Variants in GNG7 observed in about 807,000 individuals in gnomAD.
GNG7 encodes the protein guanine nucleotide-binding protein G(I)/G(S)/G(O) subunit gamma-7.
Under a neutral mutation model 4.0 loss-of-function variants are expected in GNG7, and 1 was observed. The ratio of observed to expected loss-of-function variants is 0.25; its 90% confidence interval spans 0.09 to 1.18. GNG7 has a LOEUF of 1.18. GNG7 is among the 50% of genes most tolerant of loss of function. The pLI is 0.50. For missense variants in GNG7, 86 were observed against 91.9 expected (o/e 0.94, Z 0.26); for synonymous variants, 34 against 36.9 (o/e 0.92, Z 0.29).
intron 3 of GNG7, among the ~76,000 whole-genome samples, chr19:2,532,679 A>G (rs759534613): frequency 6.6e-6 from 1 of 152,256 alleles, no homozygotes; most frequent in African/African-American, 2.4e-5. Flanking sequence ...GAAATGGCCA[A>G]TAAGCACATG....
chr19:2,575,418 A>G (rs1030632991), intron 2 of GNG7, among the ~76,000 whole-genome samples: 2 of 152,226 alleles, frequency 1.3e-5, no homozygotes, highest in Non-Finnish European at 2.9e-5. Context: ...GGAAAGCTCC[A>G]GGGAAGTGTA....
chr19:2,582,062 T>C (rs1234117962), intron 2 of GNG7, among the ~76,000 whole-genome samples: 1 of 152,176 alleles, frequency 6.6e-6, no homozygotes, highest in Non-Finnish European at 1.5e-5. Flanking sequence ...GTTGAGGTCC[T>C]TAATATATAA....
At chr19:2,660,978 G>A (rs989483014) in intron 1 of GNG7, among the ~76,000 whole-genome samples, 15 of 151,038 alleles carry the variant, frequency 9.9e-5, no homozygotes, top group South Asian at 4.2e-4. Flanking sequence ...CTGGGAGGCC[G>A]AGGCGGGCAG....
intron 3 of GNG7, among the ~76,000 whole-genome samples, chr19:2,527,435 C>T (rs956169543): frequency 6.6e-6 from 1 of 152,176 alleles, no homozygotes; most frequent in African/African-American, 2.4e-5. Flanking sequence ...GCTGTGCCCC[C>T]GCCCTCGAAC....
rs5826770 is a variant in GNG7, at chr19:2,521,091, TAAA to T, written c.-37-369_-37-367del. ...TAACACGGTGAAACCTCATCGTTAC[TAAA>T]AAAAAAAAAAAAAATACAAAAATTA... On this transcript the variant is annotated intron_variant, in intron 3 of 4. Coordinates refer to ENST00000382159, the MANE Select transcript of GNG7 (RefSeq NM_052847.3). 7.7e-3 allele frequency among the ~76,000 whole-genome samples: 1,092 copies of T among 141,556 alleles called. 9 individuals are homozygous for T. The highest frequency in any genetic ancestry group is 0.021 in the African/African-American group (821 of 38,280). 92.9% of individuals were successfully genotyped at this position (141,556 alleles called of 152,430 possible).
rs1356446578 is a variant in GNG7, at chr19:2,531,775, A to ACCCC, written c.-37-11051_-37-11050insGGGG. Among the ~76,000 whole-genome samples the ACCCC allele has an allele frequency of 2.8e-3, 416 of 146,690 alleles. 1 individual carries two copies. Among genetic ancestry groups the ACCCC allele is most frequent in the African/African-American group, 7.7e-3 (285 of 36,804 alleles). On this transcript the variant is annotated intron_variant, in intron 3 of 4. Coordinates refer to ENST00000382159, the MANE Select transcript of GNG7 (RefSeq NM_052847.3). ...AACAGAGCGAGACTCCGTCCCAAAA[A>ACCCC]AAAAAAAAAATGCACAATACAATAT...
chr19:2,636,282 C>T (rs1289470484), intron 2 of GNG7, among the ~76,000 whole-genome samples: 3 of 152,120 alleles, frequency 2.0e-5, no homozygotes, highest in African/African-American at 7.2e-5. Flanking sequence ...CAGGGGCGCA[C>T]GAGTCTCTAA....
chr19:2,585,685 C>G lies in GNG7; in HGVS notation c.-77-30497G>C, dbSNP rs1037398273. On this transcript the variant is annotated intron_variant, in intron 2 of 4. Coordinates refer to ENST00000382159, the MANE Select transcript of GNG7 (RefSeq NM_052847.3). ...TCATTCATATACCATAAAATTCACC[C>G]TCATAAAGTGTAAAATTCAGTAATT... is the stretch of plus-strand genomic sequence containing the variant. Among the ~76,000 whole-genome samples, 10 of 152,238 alleles carry G rather than the reference C, an allele frequency of 6.6e-5. 1 individual carries two copies. The South Asian group carries it at 1.9e-3, about 28-fold the overall frequency.
intron 2 of GNG7, among the ~76,000 whole-genome samples, chr19:2,616,887 C>T (rs976098087): frequency 6.6e-6 from 1 of 152,112 alleles, no homozygotes; most frequent in Non-Finnish European, 1.5e-5. Context: ...GGGTTCTGCC[C>T]GCCTCTTCCT....
At chr19:2,639,568 T>TG (rs2144852764) in intron 2 of GNG7, among the ~76,000 whole-genome samples, 1 of 152,074 alleles carries the variant, frequency 6.6e-6, no homozygotes, top group South Asian at 2.1e-4. Context: ...TGGAGGTTTT[T>TG]GTGGCTGGAT....
intron 4 of GNG7, among the ~76,000 whole-genome samples, chr19:2,518,561 GC>G (rs1978293475): frequency 6.6e-6 from 1 of 152,102 alleles, no homozygotes; most frequent in Admixed American, 6.6e-5. Context: ...AGACTCACCG[GC>G]CGATCAGAAC....
intron 1 of GNG7, among the ~76,000 whole-genome samples, chr19:2,675,221 G>C (rs958449321): frequency 1.3e-5 from 2 of 152,170 alleles, no homozygotes; most frequent in Admixed American, 6.6e-5. Context: ...AGAAATTCCT[G>C]TCGTGCCCCT....
intron 2 of GNG7, among the ~76,000 whole-genome samples, chr19:2,570,056 G>C (rs1208439041): frequency 2.0e-5 from 3 of 149,062 alleles, no homozygotes; most frequent in Admixed American, 1.4e-4. Context: ...TGGCGGGAGG[G>C]GGGTCCCTCA....
chr19:2,619,839 A>C (rs1261400633), intron 2 of GNG7, among the ~76,000 whole-genome samples: 3 of 151,916 alleles, frequency 2.0e-5, no homozygotes, highest in Non-Finnish European at 4.4e-5. Flanking sequence ...GAATTAGATA[A>C]AGGAGATGGT....
intron 2 of GNG7, among the ~76,000 whole-genome samples, chr19:2,568,302 C>CACACAT (rs57544871): frequency 0.45 from 66,684 of 149,732 alleles, 14,848 homozygotes; most frequent in East Asian, 0.55. Context: ...TACACACGCA[C>CACACAT]ACACATACAC....
Position 2,595,502 on chromosome 19 carries a change from G to A in GNG7, c.-77-40314C>T, listed in dbSNP as rs1194564903. On this transcript the variant is annotated intron_variant, in intron 2 of 4. Coordinates refer to ENST00000382159, the MANE Select transcript of GNG7 (RefSeq NM_052847.3). ...TAATCCCAGCACTTTGGGAGGCCGA[G>A]GCGGGTGGATTGCCTGAGCTCAGGA... Among the ~76,000 whole-genome samples the A allele has an allele frequency of 2.0e-5, 3 of 152,052 alleles. No homozygotes were observed. The East Asian group carries it at 5.9e-4, about 30-fold the overall frequency.
intron 1 of GNG7, among the ~76,000 whole-genome samples, chr19:2,669,095 A>G (rs1196594481): frequency 6.6e-6 from 1 of 152,168 alleles, no homozygotes; most frequent in Non-Finnish European, 1.5e-5. Flanking sequence ...CCACCCTAGG[A>G]GTAAGTCTCA....
intron 4 of GNG7, among the ~76,000 whole-genome samples, chr19:2,517,576 G>T (rs1442457362): frequency 1.3e-5 from 2 of 152,068 alleles, no homozygotes; most frequent in African/African-American, 4.8e-5. Context: ...TGTTGGCCAG[G>T]CTGGTCTCAA....
chr19:2,568,798 GCA>G (rs1277017923), intron 2 of GNG7, among the ~76,000 whole-genome samples: 10 of 146,200 alleles, frequency 6.8e-5, no homozygotes, highest in African/African-American at 2.6e-4. Context: ...ACATATACAC[GCA>G]CATATATACA....
Sources: allele counts gnomAD v4.1 joint callset (sites outside exome capture counted in the v4.1 genomes callset), GRCh38; gene constraint gnomAD v4.1.1; transcripts MANE v1.5; gene names NCBI Gene and HGNC (gene_info 2026-07-23, HGNC 2026-07-21).